SERPING1: variants seen among roughly 807,000 people sequenced by gnomAD.
SERPING1 encodes plasma protease C1 inhibitor.
SERPING1 carries 5 observed loss-of-function variants against 34.1 expected under a neutral mutation model. That is an observed-to-expected ratio of 0.15 (90% CI 0.08 to 0.31). The LOEUF is 0.31. SERPING1 is among the 10% of genes least tolerant of loss of function. SERPING1 has a pLI of 1.00. For missense variants in SERPING1, 505 were observed against 609.5 expected (o/e 0.83, Z 1.81); for synonymous variants, 225 against 242.4 (o/e 0.93, Z 0.67).
intron 6 of SERPING1, among the ~76,000 whole-genome samples, chr11:57,610,928 C>CCTT (rs550031386): frequency 6.6e-6 from 1 of 152,062 alleles, no homozygotes; most frequent in African/African-American, 2.4e-5. Flanking sequence ...AGTTGAAAGT[C>CCTT]CTTCTTCTTT....
chr11:57,605,689 A>T, intron 4 of SERPING1: 1 of 378,914 alleles, frequency 2.6e-6, no homozygotes, highest in Non-Finnish European at 5.0e-6. Context: ...ATTCCGTGCC[A>T]AAATTAAGGG....
chr11:57,614,801 C>T lies in SERPING1; in HGVS notation c.*220C>T, dbSNP rs1251963017. 3.2e-5 allele frequency: 18 copies of T among 566,806 alleles called. No individual in the cohort carries two copies. The highest frequency in any genetic ancestry group is 5.0e-5 in the Non-Finnish European group (16 of 319,896). The allele number at this position is 566,806 out of a possible 1,614,324, so 35.1% of individuals were successfully genotyped here. On this transcript the variant is annotated 3_prime_UTR_variant, in exon 8 of 8. Transcript: ENST00000278407. ...TCCAAACCACTTTTTGCAGCTTTCTCTAGTTCAAGTTCACCAGACTCTATA... is the reference window on the plus strand; with the variant it reads ...TCCAAACCACTTTTTGCAGCTTTCTTTAGTTCAAGTTCACCAGACTCTATA...
chr11:57,600,082 ACCCACCACACAACCCACCACAGAG>A lies in SERPING1; in HGVS notation c.264_287del (p.Thr92_Thr99del), dbSNP rs751305330. On this transcript the variant is annotated inframe_deletion, in exon 3 of 8. Coordinates refer to ENST00000278407, the MANE Select transcript of SERPING1 (RefSeq NM_000062.3). ...AAATAACAGCTAATACCACTGATGA[ACCCACCACACAACCCACCACAGAG>A]CCCACCACCCAACCCACCATCCAAC... The A allele has an allele frequency of 3.1e-6, 5 of 1,613,370 alleles. No individual in the cohort carries two copies. Among genetic ancestry groups the A allele is most frequent in the Admixed American group, 3.3e-5 (2 of 59,884 alleles).
chr11:57,611,417 G>A (rs763849668), intron 6 of SERPING1: 38 of 477,586 alleles, frequency 8.0e-5, no homozygotes, highest in Non-Finnish European at 1.3e-4. Context: ...GGAAGGAAGG[G>A]AACAGCGCTC....
At position 57,599,953 on chromosome 11, in the gene SERPING1, A is replaced by AG. The variant is rs1384078017; in HGVS notation, c.129dup (p.Lys44GlufsTer14). 1 of 1,614,234 alleles carries AG rather than the reference A, an allele frequency of 6.2e-7. No individual in the cohort carries two copies. Among genetic ancestry groups the AG allele is most frequent in the Non-Finnish European group, 8.5e-7 (1 of 1,180,038 alleles). ...CAGAGAGTTTGCAAGACAGAGGCGA[A>AG]GGGAAGGTCGCAACAACAGTTATCT... is the stretch of plus-strand genomic sequence containing the variant. On this transcript the variant is annotated frameshift_variant, in exon 3 of 8. Transcript: ENST00000278407. LOFTEE classifies it high-confidence loss of function.
At chr11:57,603,728 A>G (rs1230026090) in intron 4 of SERPING1, among the ~76,000 whole-genome samples, 1 of 147,192 alleles carries the variant, frequency 6.8e-6, no homozygotes, top group African/African-American at 2.5e-5. Flanking sequence ...GGTCCCAACT[A>G]CTTGGGAGGC....
chr11:57,611,947 G>A lies in SERPING1; in HGVS notation c.1249+11G>A. On this transcript the variant is annotated intron_variant, in intron 7 of 7. Transcript: ENST00000278407. ...TCATGGAGAAATTGGGTGAGCTCTG[G>A]CAGCTTAGGGTTACTCCCAGGCCAT... 6.2e-7 allele frequency: 1 copy of A among 1,608,154 alleles called. No individual in the cohort carries two copies. Among genetic ancestry groups the A allele is most frequent in the Non-Finnish European group, 8.5e-7 (1 of 1,175,088 alleles).
intron 4 of SERPING1, among the ~76,000 whole-genome samples, chr11:57,604,616 A>G (rs1184743652): frequency 6.6e-6 from 1 of 151,990 alleles, no homozygotes; most frequent in Admixed American, 6.6e-5. Context: ...AAAATGTTTG[A>G]TAACCATTGA....
intron 7 of SERPING1, among the ~76,000 whole-genome samples, chr11:57,613,119 A>C (rs752453744): frequency 1.3e-5 from 2 of 152,220 alleles, no homozygotes; most frequent in Non-Finnish European, 2.9e-5. Context: ...ACCGCCTAAC[A>C]CATGATTCCA....
At chr11:57,599,117 G>T (rs998016867) in intron 2 of SERPING1, among the ~76,000 whole-genome samples, 1 of 152,138 alleles carries the variant, frequency 6.6e-6, no homozygotes, top group Non-Finnish European at 1.5e-5. Context: ...GAGCTAATGC[G>T]TGGTTTCTCA....
intron 6 of SERPING1, among the ~76,000 whole-genome samples, chr11:57,609,837 C>G (rs1287357632): frequency 6.6e-6 from 1 of 152,180 alleles, no homozygotes; most frequent in African/African-American, 2.4e-5. Context: ...ACAATCCTCA[C>G]TTACTGTAAC....
intron 2 of SERPING1, among the ~76,000 whole-genome samples, chr11:57,598,679 C>A (rs1945314481): frequency 6.6e-6 from 1 of 152,160 alleles, no homozygotes; most frequent in African/African-American, 2.4e-5. Context: ...AGATGGGAAG[C>A]ATTTTGTGAT....
chr11:57,602,571 A>G (rs1438121715), intron 4 of SERPING1, among the ~76,000 whole-genome samples: 2 of 151,698 alleles, frequency 1.3e-5, no homozygotes, highest in Non-Finnish European at 2.9e-5. Context: ...CCTGACCAAC[A>G]TGGTGAAACC....
In SERPING1 at chr11:57,605,683, C is replaced by T. The variant is rs115140104; in HGVS notation, c.686-327C>T. 1,241 of 372,404 alleles carry T rather than the reference C, an allele frequency of 3.3e-3. 24 individuals carry two copies. The highest frequency in any genetic ancestry group is 0.025 in the African/African-American group (1,176 of 47,648). The allele number at this position is 372,404 out of a possible 1,614,324, so 23.1% of individuals were successfully genotyped here. On this transcript the variant is annotated intron_variant, in intron 4 of 7. Transcript: ENST00000278407. ...CAAGGCCAGGAAGCAGAGTCTATTC[C>T]GTGCCAAAATTAAGGGAAGAAAAGA...
chr11:57,601,519 CACAA>C (rs1374450599), intron 3 of SERPING1, among the ~76,000 whole-genome samples: 1 of 151,902 alleles, frequency 6.6e-6, no homozygotes, highest in Non-Finnish European at 1.5e-5. Context: ...CTAGGAATGG[CACAA>C]ACAAATTACT....
rs1160992430 is a variant in SERPING1, at chr11:57,598,255, T to A, written c.-16T>A. On this transcript the variant is annotated 5_prime_UTR_variant, in exon 2 of 8. Coordinates refer to ENST00000278407, the MANE Select transcript of SERPING1 (RefSeq NM_000062.3). ...AGGCTGGCTGGCTCCGCAGGTCCGC[T>A]GACGTCGCCGCCCAGATGGCCTCCA... The A allele has an allele frequency of 1.3e-6, 2 of 1,547,290 alleles. No individual in the cohort carries two copies. The highest frequency in any genetic ancestry group is 2.0e-5 in the Admixed American group (1 of 51,062).
At chr11:57,601,531 A>T (rs1945347565) in intron 3 of SERPING1, among the ~76,000 whole-genome samples, 1 of 152,098 alleles carries the variant, frequency 6.6e-6, no homozygotes, top group Non-Finnish European at 1.5e-5. Context: ...CAAACAAATT[A>T]CTACAAGCAG....
At chr11:57,606,279 C>A in intron 5 of SERPING1, 66 bp downstream of exon 5, 3 of 1,599,246 alleles carry the variant, frequency 1.9e-6, no homozygotes, top group Non-Finnish European at 2.6e-6. Context: ...GGCTTCAAAG[C>A]CCACTTAACC....
At chr11:57,601,975 TCCCAAGGAAGG>T in intron 3 of SERPING1, 49 bp from the exon 4 acceptor site, 1 of 1,595,156 alleles carries the variant, frequency 6.3e-7, no homozygotes, top group South Asian at 1.1e-5. Context: ...CAACCCTCAT[TCCCAAGGAAGG>T]CCCCCGACTC....
Sources: allele counts gnomAD v4.1 joint callset (sites outside exome capture counted in the v4.1 genomes callset), GRCh38; gene constraint gnomAD v4.1.1; transcripts MANE v1.5; gene names NCBI Gene and HGNC (gene_info 2026-07-23, HGNC 2026-07-21).